Variants in NRXN1 observed in about 807,000 individuals in gnomAD.
NRXN1 encodes neurexin 1.
A neutral mutation model predicts 150.9 loss-of-function variants in NRXN1; 39 were observed. The observed-to-expected ratio is 0.26, with a 90% CI of 0.20 to 0.34. The LOEUF is 0.34. Ranked by LOEUF, NRXN1 falls within the 10% of genes least tolerant of loss-of-function variation. The pLI is 1.00. For synonymous variants in NRXN1, 924 were observed against 757.0 expected (o/e 1.22, Z -3.62); for missense variants, 1,815 against 1,949.9 (o/e 0.93, Z 1.30).
intron 5 of NRXN1, among the ~76,000 whole-genome samples, chr2:50,680,227 T>A (rs1258636119): frequency 6.6e-6 from 1 of 152,040 alleles, no homozygotes; most frequent in Non-Finnish European, 1.5e-5. Context: ...AATATATAAT[T>A]ATAATATATC....
At chr2:50,070,957 G>T (rs1261462984) in intron 19 of NRXN1, among the ~76,000 whole-genome samples, 1 of 152,104 alleles carries the variant, frequency 6.6e-6, no homozygotes, top group Non-Finnish European at 1.5e-5. Context: ...TTAAACTTAA[G>T]CTACCTGTTA....
At chr2:50,436,488 A>G (rs1351632783) in intron 17 of NRXN1, among the ~76,000 whole-genome samples, 1 of 152,194 alleles carries the variant, frequency 6.6e-6, no homozygotes, top group Non-Finnish European at 1.5e-5. Flanking sequence ...GAAGTGTTTA[A>G]CACAATTTAC....
At chr2:49,981,546 C>CA (rs1445594320) in intron 21 of NRXN1, among the ~76,000 whole-genome samples, 1 of 152,054 alleles carries the variant, frequency 6.6e-6, no homozygotes, top group Non-Finnish European at 1.5e-5. Flanking sequence ...TCTTCCCCCC[C>CA]ACTTTTCCCG....
intron 8 of NRXN1, among the ~76,000 whole-genome samples, chr2:50,617,938 G>A (rs1679315774): frequency 6.6e-6 from 1 of 152,150 alleles, no homozygotes; most frequent in African/African-American, 2.4e-5. Context: ...CACTTATGCA[G>A]AATTATCAGA....
intron 21 of NRXN1, among the ~76,000 whole-genome samples, chr2:49,982,590 T>A (rs1680162074): frequency 6.6e-6 from 1 of 152,120 alleles, no homozygotes; most frequent in Non-Finnish European, 1.5e-5. Flanking sequence ...ATAGTTTGAA[T>A]AGTTATAGTA....
At chr2:50,291,540 G>A (rs570798158) in intron 17 of NRXN1, among the ~76,000 whole-genome samples, 4 of 152,130 alleles carry the variant, frequency 2.6e-5, no homozygotes, top group Non-Finnish European at 4.4e-5. Context: ...CCCTGGAACT[G>A]AGACTCCCTG....
chr2:49,923,919 G>A (rs17039456), intron 22 of NRXN1, among the ~76,000 whole-genome samples: 5 of 152,082 alleles, frequency 3.3e-5, no homozygotes, highest in African/African-American at 4.8e-5. Flanking sequence ...GAGTGTGGCT[G>A]AATAAAAAGC....
At chr2:50,420,805 A>T (rs180902598) in intron 17 of NRXN1, among the ~76,000 whole-genome samples, 23 of 152,168 alleles carry the variant, frequency 1.5e-4, no homozygotes, top group African/African-American at 5.5e-4. Context: ...TTGCTGTGGT[A>T]ATCCTATTAG....
chr2:50,512,226 T>A (rs1041381389), intron 12 of NRXN1, among the ~76,000 whole-genome samples: 1 of 152,200 alleles, frequency 6.6e-6, no homozygotes, highest in Non-Finnish European at 1.5e-5. Flanking sequence ...TTACTGTTAC[T>A]AATTTCATCA....
intron 17 of NRXN1, among the ~76,000 whole-genome samples, chr2:50,427,786 C>T (rs2084621157): frequency 6.6e-6 from 1 of 152,162 alleles, no homozygotes; most frequent in African/African-American, 2.4e-5. Context: ...AAAGTAACTT[C>T]TTCGAATACA....
At chr2:50,962,408 TG>T (rs1391383348) in intron 2 of NRXN1, among the ~76,000 whole-genome samples, 1 of 151,742 alleles carries the variant, frequency 6.6e-6, no homozygotes, top group African/African-American at 2.4e-5. Context: ...AACAATCCAA[TG>T]ATAGGTATCC....
intron 5 of NRXN1, among the ~76,000 whole-genome samples, chr2:50,762,303 A>G (rs934043651): frequency 4.0e-5 from 6 of 151,842 alleles, no homozygotes; most frequent in African/African-American, 1.5e-4. Flanking sequence ...CACCATGTCC[A>G]GCTCTAAGAG....
intron 21 of NRXN1, among the ~76,000 whole-genome samples, chr2:50,004,436 T>A (rs559980689): frequency 6.6e-6 from 1 of 152,238 alleles, no homozygotes; most frequent in African/African-American, 2.4e-5. Context: ...TTTTTAAAAA[T>A]TGTTTTTGGA....
At chr2:50,621,905 TAC>T (rs1680090883) in intron 6 of NRXN1, among the ~76,000 whole-genome samples, 1 of 152,164 alleles carries the variant, frequency 6.6e-6, no homozygotes, top group Non-Finnish European at 1.5e-5. Flanking sequence ...GCTGTATAAC[TAC>T]AGTTTCCTTT....
chr2:50,749,736 A>G (rs536852720), intron 5 of NRXN1, among the ~76,000 whole-genome samples: 1 of 152,196 alleles, frequency 6.6e-6, no homozygotes, highest in South Asian at 2.1e-4. Context: ...TATAATATTT[A>G]AGATCTGAAA....
At chr2:50,660,334 C>T (rs1291969886) in intron 5 of NRXN1, among the ~76,000 whole-genome samples, 4 of 151,954 alleles carry the variant, frequency 2.6e-5, no homozygotes, top group Non-Finnish European at 4.4e-5. Context: ...AAAGTCTAGG[C>T]TCTTAACAAC....
chr2:50,897,243 G>A (rs979883313), intron 5 of NRXN1, among the ~76,000 whole-genome samples: 4 of 152,170 alleles, frequency 2.6e-5, no homozygotes, highest in Non-Finnish European at 4.4e-5. Context: ...GACTGGTTAT[G>A]AGGATAAATG....
At chr2:50,527,634 T>C (rs2092991193) in intron 12 of NRXN1, among the ~76,000 whole-genome samples, 1 of 152,174 alleles carries the variant, frequency 6.6e-6, no homozygotes, top group African/African-American at 2.4e-5. Context: ...AAACAGTACG[T>C]ATTTTATTAG....
At chr2:50,578,408 A>T (rs552965930) in intron 8 of NRXN1, among the ~76,000 whole-genome samples, 1 of 152,252 alleles carries the variant, frequency 6.6e-6, no homozygotes, top group South Asian at 2.1e-4. Flanking sequence ...CTTTTTAAAA[A>T]ATTTGTTTTG....
Sources: allele counts gnomAD v4.1 joint callset (sites outside exome capture counted in the v4.1 genomes callset), GRCh38; gene constraint gnomAD v4.1.1; transcripts MANE v1.5; gene names NCBI Gene and HGNC (gene_info 2026-07-23, HGNC 2026-07-21).